The following KCNH8 variants were observed in gnomAD, a reference collection of about 807,000 sequenced individuals.
The protein encoded by KCNH8 is potassium voltage-gated channel subfamily H member 8.
KCNH8 carries 70 observed loss-of-function variants against 103.6 expected under a neutral mutation model. The ratio of observed to expected loss-of-function variants is 0.68; its 90% CI spans 0.56 to 0.82. KCNH8 has a LOEUF of 0.82. Ranked by LOEUF, KCNH8 falls within the 40% of genes least tolerant of loss-of-function variation. The pLI, the probability that KCNH8 is intolerant of heterozygous loss-of-function variation, is 0.00. For synonymous variants in KCNH8, 498 were observed against 489.4 expected (o/e 1.02, Z -0.23); for missense variants, 1,217 against 1,329.9 (o/e 0.92, Z 1.32).
chr3:19,327,969 T>C (rs1456682062), intron 3 of KCNH8, among the ~76,000 whole-genome samples: 1 of 152,210 alleles, frequency 6.6e-6, no homozygotes, highest in Non-Finnish European at 1.5e-5. Flanking sequence ...TAACTGAAAC[T>C]TAAGAGATGC....
chr3:19,299,912 AATG>A (rs2065044026), intron 3 of KCNH8, among the ~76,000 whole-genome samples: 1 of 152,034 alleles, frequency 6.6e-6, no homozygotes, highest in Non-Finnish European at 1.5e-5. Flanking sequence ...ATATTATTAA[AATG>A]ATCTAAATAA....
intron 1 of KCNH8, among the ~76,000 whole-genome samples, chr3:19,230,770 G>A (rs1158722492): frequency 1.3e-5 from 2 of 152,206 alleles, no homozygotes; most frequent in East Asian, 3.8e-4. Context: ...TGTGATTTAT[G>A]AGTGTGTACT....
At chr3:19,170,881 G>C (rs2063342189) in intron 1 of KCNH8, among the ~76,000 whole-genome samples, 1 of 144,250 alleles carries the variant, frequency 6.9e-6, no homozygotes, top group Non-Finnish European at 1.5e-5. Context: ...GCAAAATATC[G>C]GCTCACTGCA....
At chr3:19,399,872 G>A (rs538926234) in intron 7 of KCNH8, among the ~76,000 whole-genome samples, 2 of 151,960 alleles carry the variant, frequency 1.3e-5, no homozygotes, top group African/African-American at 4.8e-5. Flanking sequence ...TTAGCAGGAT[G>A]TGTAGACTCA....
At chr3:19,363,148 T>G (rs967378635) in intron 5 of KCNH8, among the ~76,000 whole-genome samples, 2 of 152,148 alleles carry the variant, frequency 1.3e-5, no homozygotes, top group African/African-American at 4.8e-5. Flanking sequence ...CAGACTTGGC[T>G]CAGCATCTTT....
At chr3:19,523,601 C>T (rs945895242) in intron 15 of KCNH8, among the ~76,000 whole-genome samples, 2 of 151,886 alleles carry the variant, frequency 1.3e-5, no homozygotes, top group Admixed American at 6.6e-5. Flanking sequence ...CCATTTGAAG[C>T]GTGGAGCACA....
At chr3:19,305,314 A>G (rs2065116204) in intron 3 of KCNH8, among the ~76,000 whole-genome samples, 1 of 152,160 alleles carries the variant, frequency 6.6e-6, no homozygotes, top group Admixed American at 6.5e-5. Flanking sequence ...TCTAAAATGT[A>G]TTTCCCTTTC....
chr3:19,435,713 C>T (rs1327491646), intron 7 of KCNH8, among the ~76,000 whole-genome samples: 2 of 152,132 alleles, frequency 1.3e-5, no homozygotes, highest in Admixed American at 1.3e-4. Flanking sequence ...ATTTAACAAG[C>T]TTATCTTTTA....
chr3:19,374,422 G>A (rs1293913515), intron 5 of KCNH8, among the ~76,000 whole-genome samples: 3 of 151,700 alleles, frequency 2.0e-5, no homozygotes, highest in Non-Finnish European at 4.4e-5. Context: ...TCAGAGACTA[G>A]GATTGCAACC....
At chr3:19,352,272 A>G (rs1342799522) in intron 5 of KCNH8, among the ~76,000 whole-genome samples, 2 of 152,206 alleles carry the variant, frequency 1.3e-5, no homozygotes, top group East Asian at 3.9e-4. Flanking sequence ...AGACTCCCAC[A>G]GAATAATAAT....
At chr3:19,515,837 A>C (rs1188518896) in intron 14 of KCNH8, among the ~76,000 whole-genome samples, 6 of 152,198 alleles carry the variant, frequency 3.9e-5, no homozygotes, top group Non-Finnish European at 5.9e-5. Flanking sequence ...GAGGTTATAT[A>C]CTTGAAGTTT....
intron 1 of KCNH8, among the ~76,000 whole-genome samples, chr3:19,181,222 G>T (rs549253802): frequency 3.3e-5 from 5 of 152,120 alleles, no homozygotes; most frequent in Non-Finnish European, 7.4e-5. Context: ...GAGGAAAATT[G>T]AGCCCAGAAG....
intron 3 of KCNH8, among the ~76,000 whole-genome samples, chr3:19,334,462 G>C (rs2065555051): frequency 6.6e-6 from 1 of 151,930 alleles, no homozygotes; most frequent in Admixed American, 6.6e-5. Context: ...GAACAAAGCA[G>C]GGCTTAATTT....
intron 3 of KCNH8, among the ~76,000 whole-genome samples, chr3:19,296,742 G>A (rs2065000674): frequency 6.6e-6 from 1 of 152,284 alleles, no homozygotes; most frequent in South Asian, 2.1e-4. Flanking sequence ...ATTGGGTTCA[G>A]TGTATACCGC....
At chr3:19,172,380 CAG>C (rs200826922) in intron 1 of KCNH8, among the ~76,000 whole-genome samples, 8,604 of 152,048 alleles carry the variant, frequency 0.057, 789 homozygotes, top group African/African-American at 0.19. Context: ...CAGTGCCTTG[CAG>C]AGTGTCAAAA....
intron 5 of KCNH8, among the ~76,000 whole-genome samples, chr3:19,363,146 G>A (rs115269960): frequency 1.3e-5 from 2 of 152,206 alleles, no homozygotes; most frequent in African/African-American, 4.8e-5. Flanking sequence ...TGCAGACTTG[G>A]CTCAGCATCT....
chr3:19,229,384 T>C (rs559507041), intron 1 of KCNH8, among the ~76,000 whole-genome samples: 124 of 152,346 alleles, frequency 8.1e-4, no homozygotes, highest in Non-Finnish European at 1.6e-3. Context: ...CATTTCCGTA[T>C]ACCTTCTGAA....
At chr3:19,155,925 A>G (rs2063176843) in intron 1 of KCNH8, among the ~76,000 whole-genome samples, 1 of 152,350 alleles carries the variant, frequency 6.6e-6, no homozygotes, top group African/African-American at 2.4e-5. Context: ...TTAGACTTAT[A>G]GTTGAAATGG....
intron 3 of KCNH8, among the ~76,000 whole-genome samples, chr3:19,285,716 A>C (rs891511537): frequency 6.6e-6 from 1 of 152,068 alleles, no homozygotes; most frequent in Non-Finnish European, 1.5e-5. Flanking sequence ...AAAAAAAAAA[A>C]ATGGTAACCT....
Sources: gnomAD v4.1 joint callset for allele counts (sites outside exome capture counted in the v4.1 genomes callset) on GRCh38, gnomAD v4.1.1 for gene constraint, MANE v1.5 for transcripts, NCBI Gene and HGNC (gene_info 2026-07-23, HGNC 2026-07-21) for gene names.